The following PLA2G2C variants were observed in gnomAD, a reference collection of about 807,000 sequenced individuals.
PLA2G2C encodes the protein phospholipase A2 group IIC.
PLA2G2C carries 15 observed loss-of-function variants against 14.3 expected under a neutral mutation model. That is an observed-to-expected ratio of 1.05 (90% confidence interval 0.70 to 1.62). PLA2G2C has a LOEUF of 1.62. Among genes scored for constraint, PLA2G2C ranks in the 40% most tolerant of loss-of-function variants. PLA2G2C has a pLI of 0.00. For missense variants in PLA2G2C, 162 were observed against 173.2 expected (o/e 0.94, Z 0.36); for synonymous variants, 79 against 67.7 (o/e 1.17, Z -0.82).
chr1:20,170,983 T>C (rs1454601273), intron 4 of PLA2G2C, among the ~76,000 whole-genome samples: 2 of 141,612 alleles, frequency 1.4e-5, no homozygotes, highest in African/African-American at 5.4e-5. Context: ...CCTGGGGTCC[T>C]GGGCTGGGAG....
intron 1 of PLA2G2C, among the ~76,000 whole-genome samples, chr1:20,183,164 C>T (rs780040210): frequency 1.2e-4 from 19 of 152,198 alleles, no homozygotes; most frequent in South Asian, 2.1e-4. Context: ...GCACTTGGCA[C>T]GTGTGTTACC....
At chr1:20,167,577 G>C (rs1358683219) in intron 4 of PLA2G2C, among the ~76,000 whole-genome samples, 1 of 152,160 alleles carries the variant, frequency 6.6e-6, no homozygotes. Context: ...GCCTCCCTGT[G>C]CTTTGCAACA....
Position 20,164,276 on chromosome 1 carries a change from C to A in PLA2G2C, c.284-119G>T, listed in dbSNP as rs766837886. On this transcript the variant is annotated intron_variant, in intron 4 of 4. Transcript: ENST00000679259. ...CAAGGGTTAAGGACAGAAAGGAAAG[C>A]CACTGAAAGGGATACGTGTATGCAT... 1.1e-4 allele frequency: 115 copies of A among 1,008,426 alleles called. No homozygotes were observed. The highest frequency in any genetic ancestry group is 1.5e-4 in the Non-Finnish European group (109 of 705,092). 62.5% of individuals were successfully genotyped at this position (1,008,426 alleles called of 1,614,324 possible).
Position 20,179,557 on chromosome 1 carries a change from C to T in PLA2G2C, c.-76-2118G>A, listed in dbSNP as rs138573936. ...TGTGTGTGTGTGTTAGCTTGTCCCT[C>T]TGTGTCAGCTTCTCCCTCTATGCTG... On this transcript the variant is annotated intron_variant, in intron 1 of 4. Transcript: ENST00000679259. Among the ~76,000 whole-genome samples the T allele has an allele frequency of 1.8e-3, 266 of 149,920 alleles. 4 individuals are homozygous for T. Among genetic ancestry groups the T allele is most frequent in the African/African-American group, 6.3e-3 (254 of 40,512 alleles).
At chr1:20,179,016 G>T (rs997394101) in intron 1 of PLA2G2C, among the ~76,000 whole-genome samples, 1 of 152,230 alleles carries the variant, frequency 6.6e-6, no homozygotes, top group African/African-American at 2.4e-5. Context: ...TGCAGGTACC[G>T]CGTGGCCCAA....
At chr1:20,172,443 G>A (rs1272339871) in intron 4 of PLA2G2C, among the ~76,000 whole-genome samples, 1 of 152,188 alleles carries the variant, frequency 6.6e-6, no homozygotes, top group Non-Finnish European at 1.5e-5. Context: ...CAGCTGAGCC[G>A]TTTTGTTAAC....
At position 20,163,277 on chromosome 1, in the gene PLA2G2C, G is replaced by C. The variant is rs539677363; in HGVS notation, c.*714C>G. 6.6e-6 allele frequency: 1 copy of C among 152,196 alleles called. No individual in the cohort carries two copies. Among genetic ancestry groups the C allele is most frequent in the African/African-American group, 2.4e-5 (1 of 41,430 alleles). 9.4% of individuals were successfully genotyped at this position (152,196 alleles called of 1,614,324 possible). ...CCAGCAGGCTAGCCCAGGCTTTTTT[G>C]CAGGGTGGGGGCAGCTGTCCTAAGA... On this transcript the variant is annotated 3_prime_UTR_variant, in exon 5 of 5. Transcript: ENST00000679259.
intron 4 of PLA2G2C, among the ~76,000 whole-genome samples, chr1:20,165,561 C>T (rs1323824064): frequency 6.6e-6 from 1 of 152,166 alleles, no homozygotes; most frequent in East Asian, 1.9e-4. Flanking sequence ...ATGAATGAAG[C>T]CTCTATGGGC....
rs1017537580 is a variant in PLA2G2C at position 20,179,138 on chromosome 1, G to A, written c.-76-1699C>T. Among the ~76,000 whole-genome samples, 4 of 152,202 alleles carry A rather than the reference G, an allele frequency of 2.6e-5. No homozygotes were observed. In the South Asian group the frequency reaches 6.2e-4, roughly 24 times the overall value. ...CTTTTTCAGGATAGCTCTGAAAGGCGGTCCCAGCCCCAGAGCTCCCTGTGG... is the reference window on the plus strand; with the variant it reads ...CTTTTTCAGGATAGCTCTGAAAGGCAGTCCCAGCCCCAGAGCTCCCTGTGG... On this transcript the variant is annotated intron_variant, in intron 1 of 4. Coordinates refer to ENST00000679259, the MANE Select transcript of PLA2G2C (RefSeq NM_001367969.2).
intron 4 of PLA2G2C, among the ~76,000 whole-genome samples, chr1:20,165,930 G>C (rs1412308175): frequency 6.6e-6 from 1 of 152,230 alleles, no homozygotes; most frequent in African/African-American, 2.4e-5. Flanking sequence ...GAGGCCACCA[G>C]ACGCCCGGTT....
At chr1:20,180,010 G>A (rs913151241) in intron 1 of PLA2G2C, among the ~76,000 whole-genome samples, 10 of 150,566 alleles carry the variant, frequency 6.6e-5, no homozygotes, top group African/African-American at 2.2e-4. Flanking sequence ...CTCTATGTCA[G>A]CTTCTCCCTT....
intron 4 of PLA2G2C, among the ~76,000 whole-genome samples, chr1:20,169,011 C>T (rs1436505911): frequency 6.6e-6 from 1 of 152,150 alleles, no homozygotes; most frequent in African/African-American, 2.4e-5. Context: ...CCTCTCCCTC[C>T]CCTGCTTACC....
intron 1 of PLA2G2C, chr1:20,186,001 A>ACCCGACCCCACCCGACCCCC (rs2018374082): frequency 1.4e-5 from 1 of 72,880 alleles, no homozygotes; most frequent in Admixed American, 1.5e-4. Context: ...AGCGGCCCCC[A>ACCCGACCCCACCCGACCCCC]CCCGACCCCA....
Position 20,163,789 on chromosome 1 carries a change from A to G in PLA2G2C, c.*202T>C, listed in dbSNP as rs535369948. 9.7e-5 allele frequency: 57 copies of G among 589,458 alleles called. No homozygotes were observed. The highest frequency in any genetic ancestry group is 1.4e-4 in the Non-Finnish European group (50 of 345,014). The allele number at this position is 589,458 out of a possible 1,614,324, so 36.5% of individuals were successfully genotyped here. A position where few individuals can be genotyped will look rare whatever the true frequency, so the allele number is the denominator to read the frequency against. On this transcript the variant is annotated 3_prime_UTR_variant, in exon 5 of 5. Coordinates refer to ENST00000679259, the MANE Select transcript of PLA2G2C (RefSeq NM_001367969.2). Reference sequence around the variant, plus strand: ...GCAGGGCAGGCATCTCATCTTTCCCATTTCTGCTCTCCAGCCCTCTGATGC... The same window carrying G: ...GCAGGGCAGGCATCTCATCTTTCCCGTTTCTGCTCTCCAGCCCTCTGATGC...
chr1:20,183,260 C>T (rs1419924921), intron 1 of PLA2G2C, among the ~76,000 whole-genome samples: 2 of 152,202 alleles, frequency 1.3e-5, no homozygotes, highest in Admixed American at 6.5e-5. Context: ...AAATCATTTA[C>T]CTAACGTCTT....
At chr1:20,172,696 G>A in intron 4 of PLA2G2C, 98 bp downstream of exon 4, 2 of 1,049,274 alleles carry the variant, frequency 1.9e-6, no homozygotes, top group Non-Finnish European at 2.8e-6. Context: ...GCACTTGGAA[G>A]CATTTCATTT....
At chr1:20,174,436 C>A (rs2018143709) in intron 3 of PLA2G2C, among the ~76,000 whole-genome samples, 1 of 152,198 alleles carries the variant, frequency 6.6e-6, no homozygotes, top group Non-Finnish European at 1.5e-5. Context: ...TTGTGCCATG[C>A]AACCTCACCC....
intron 4 of PLA2G2C, among the ~76,000 whole-genome samples, chr1:20,169,421 C>T (rs2018033214): frequency 6.6e-6 from 1 of 152,132 alleles, no homozygotes. Flanking sequence ...CTCAAGTGAT[C>T]CTCCCGCCTC....
At chr1:20,169,168 A>T (rs1192934353) in intron 4 of PLA2G2C, among the ~76,000 whole-genome samples, 3 of 152,184 alleles carry the variant, frequency 2.0e-5, no homozygotes, top group Non-Finnish European at 4.4e-5. Context: ...ATAGGGAAAT[A>T]GGTTTTTCTG....
Sources: gnomAD v4.1 joint callset for allele counts (sites outside exome capture counted in the v4.1 genomes callset) on GRCh38, gnomAD v4.1.1 for gene constraint, MANE v1.5 for transcripts, NCBI Gene and HGNC (gene_info 2026-07-23, HGNC 2026-07-21) for gene names.